The following ZFAND3 variants were observed in gnomAD, a reference collection of about 807,000 sequenced individuals.
ZFAND3 encodes the protein AN1-type zinc finger protein 3.
In ZFAND3, 10 loss-of-function variants were observed where a neutral mutation model predicts 29.6. The observed-to-expected ratio is 0.34, with a 90% CI of 0.21 to 0.57. The LOEUF is 0.57. Among genes scored for constraint, ZFAND3 ranks in the 20% least tolerant of loss-of-function variants. The pLI, the probability that ZFAND3 is intolerant of heterozygous loss-of-function variation, is 0.86. For synonymous variants in ZFAND3, 128 were observed against 112.6 expected (o/e 1.14, Z -0.87); for missense variants, 230 against 304.5 (o/e 0.76, Z 1.82).
chr6:37,834,549 A>G (rs1236300490), intron 1 of ZFAND3, among the ~76,000 whole-genome samples: 1 of 152,120 alleles, frequency 6.6e-6, no homozygotes, highest in South Asian at 2.1e-4. Flanking sequence ...TGATAAGAGT[A>G]TGTTTAGTTT....
At chr6:37,960,899 A>ATGAG (rs1554162819) in intron 2 of ZFAND3, among the ~76,000 whole-genome samples, 1 of 151,880 alleles carries the variant, frequency 6.6e-6, no homozygotes, top group African/African-American at 2.4e-5. Context: ...GGGCAACATA[A>ATGAG]TGAGACCCCA....
chr6:37,953,375 A>G (rs930605146), intron 2 of ZFAND3, among the ~76,000 whole-genome samples: 6 of 149,874 alleles, frequency 4.0e-5, no homozygotes, highest in Admixed American at 2.7e-4. Context: ...ATAATAATAT[A>G]CTTTCATTTC....
At chr6:38,062,628 TC>T (rs1427070346) in intron 3 of ZFAND3, 1 of 152,214 alleles carries the variant, frequency 6.6e-6, no homozygotes, top group Non-Finnish European at 1.5e-5. Context: ...CACCTTGGTC[TC>T]CCAAAGTACT....
chr6:38,060,314 G>A (rs997978748), intron 2 of ZFAND3, among the ~76,000 whole-genome samples: 8 of 152,044 alleles, frequency 5.3e-5, no homozygotes, highest in East Asian at 3.8e-4. Context: ...TTGACTTAAA[G>A]TGTACATATT....
Position 38,128,042 on chromosome 6 carries a change from C to T in ZFAND3, c.529+11303C>T, listed in dbSNP as rs148504822. On this transcript the variant is annotated intron_variant, in intron 5 of 5. Coordinates refer to ENST00000287218, the MANE Select transcript of ZFAND3 (RefSeq NM_021943.3). ...TGTTAGTTCAGCCTCTAAAACCTTG[C>T]CCAGGACTTGGGACCCTGTGTGGAG... Among the ~76,000 whole-genome samples, 1,460 of 152,288 alleles carry T rather than the reference C, an allele frequency of 9.6e-3. 17 individuals are homozygous for T. The highest frequency in any genetic ancestry group is 0.011 in the Non-Finnish European group (739 of 68,032).
At chr6:37,997,053 G>T (rs1038396836) in intron 2 of ZFAND3, among the ~76,000 whole-genome samples, 1 of 152,162 alleles carries the variant, frequency 6.6e-6, no homozygotes, top group East Asian at 1.9e-4. Flanking sequence ...TTTGTGCCTG[G>T]CAGTGCCTTT....
At chr6:37,898,876 T>A (rs963969184) in intron 1 of ZFAND3, among the ~76,000 whole-genome samples, 2 of 147,656 alleles carry the variant, frequency 1.4e-5, no homozygotes, top group Non-Finnish European at 1.5e-5. Flanking sequence ...GTATGAATAA[T>A]GACAGGTTTA....
intron 2 of ZFAND3, among the ~76,000 whole-genome samples, chr6:38,040,212 T>C (rs1011731661): frequency 2.6e-5 from 4 of 152,198 alleles, no homozygotes; most frequent in African/African-American, 4.8e-5. Flanking sequence ...TTGTAGTGAC[T>C]ATTCTTGCAT....
At chr6:38,050,113 C>A (rs1763997151) in intron 2 of ZFAND3, among the ~76,000 whole-genome samples, 1 of 151,584 alleles carries the variant, frequency 6.6e-6, no homozygotes, top group Non-Finnish European at 1.5e-5. Flanking sequence ...CGTCACCACG[C>A]CTGGCTGATT....
intron 1 of ZFAND3, among the ~76,000 whole-genome samples, chr6:37,881,696 C>T (rs534196973): frequency 1.3e-5 from 2 of 152,186 alleles, no homozygotes; most frequent in South Asian, 4.1e-4. Context: ...ACTAAAAATA[C>T]GAATTTTTAG....
At chr6:38,038,998 C>G (rs1386975154) in intron 2 of ZFAND3, among the ~76,000 whole-genome samples, 2 of 152,078 alleles carry the variant, frequency 1.3e-5, no homozygotes, top group African/African-American at 4.8e-5. Context: ...TTTTAAGTAT[C>G]AGATAGGTTG....
intron 1 of ZFAND3, among the ~76,000 whole-genome samples, chr6:37,883,884 C>G (rs1446917725): frequency 6.9e-6 from 1 of 145,174 alleles, no homozygotes; most frequent in Non-Finnish European, 1.5e-5. Flanking sequence ...TCCCGTCCAC[C>G]TAACTAGTTC....
chr6:38,136,204 G>A (rs1765839632), intron 5 of ZFAND3, among the ~76,000 whole-genome samples: 1 of 152,166 alleles, frequency 6.6e-6, no homozygotes, highest in Non-Finnish European at 1.5e-5. Flanking sequence ...GTTGCCTGTG[G>A]AAATGAGAGG....
chr6:37,897,575 C>T (rs967616024), intron 1 of ZFAND3, among the ~76,000 whole-genome samples: 13 of 152,256 alleles, frequency 8.5e-5, no homozygotes, highest in Admixed American at 5.2e-4. Context: ...TAAGCTTTTG[C>T]GGTAGTGGCT....
At chr6:38,083,704 A>C (rs1042938568) in intron 4 of ZFAND3, among the ~76,000 whole-genome samples, 14 of 152,110 alleles carry the variant, frequency 9.2e-5, no homozygotes, top group African/African-American at 3.4e-4. Context: ...ATGTTCAGGT[A>C]GCAGTCAAGG....
intron 5 of ZFAND3, among the ~76,000 whole-genome samples, chr6:38,129,783 A>T (rs1454055043): frequency 1.4e-5 from 2 of 142,612 alleles, no homozygotes; most frequent in Non-Finnish European, 3.0e-5. Context: ...TTTTATTTAG[A>T]CTTGCTTTGG....
intron 3 of ZFAND3, among the ~76,000 whole-genome samples, chr6:38,077,274 A>T (rs1235403426): frequency 6.6e-6 from 1 of 152,170 alleles, no homozygotes; most frequent in African/African-American, 2.4e-5. Context: ...GTCCAGAATT[A>T]CCTTTAGAAC....
intron 1 of ZFAND3, among the ~76,000 whole-genome samples, chr6:37,835,165 G>C (rs1218569694): frequency 6.6e-6 from 1 of 152,016 alleles, no homozygotes; most frequent in Non-Finnish European, 1.5e-5. Context: ...AGAGGTTTTT[G>C]TTTTGTTGTT....
chr6:38,117,029 C>G (rs1217241698), intron 5 of ZFAND3, among the ~76,000 whole-genome samples: 2 of 152,160 alleles, frequency 1.3e-5, no homozygotes, highest in Non-Finnish European at 2.9e-5. Flanking sequence ...TTCCCCCCAC[C>G]ACTTACTACT....
Sources: allele counts gnomAD v4.1 joint callset (sites outside exome capture counted in the v4.1 genomes callset), GRCh38; gene constraint gnomAD v4.1.1; transcripts MANE v1.5; gene names NCBI Gene and HGNC (gene_info 2026-07-23, HGNC 2026-07-21).